DCPH1: variants seen among roughly 807,000 people sequenced by gnomAD.
The protein encoded by DCPH1 is damage-control phosphatase 1.
the DCPH1 span, among the ~76,000 whole-genome samples, chr6:151,463,045 A>C: frequency 6.6e-6 from 1 of 152,236 alleles, no homozygotes; most frequent in African/African-American, 2.4e-5. Flanking sequence ...AACTTTATTC[A>C]GCGGACACCG....
At chr6:151,463,312 GAAAAT>G in the DCPH1 span, among the ~76,000 whole-genome samples, 2 of 152,076 alleles carry the variant, frequency 1.3e-5, no homozygotes, top group African/African-American at 4.8e-5. Context: ...GCCTCAAAAT[GAAAAT>G]TAGTCTTCCT....
the DCPH1 span, among the ~76,000 whole-genome samples, chr6:151,453,115 T>C: frequency 3.3e-5 from 5 of 152,212 alleles, no homozygotes; most frequent in African/African-American, 1.2e-4. Flanking sequence ...CTTCAAAATA[T>C]TGCAAAAGAC....
At chr6:151,454,213 T>C in the DCPH1 span, among the ~76,000 whole-genome samples, 7 of 152,224 alleles carry the variant, frequency 4.6e-5, no homozygotes, top group African/African-American at 1.4e-4. Context: ...GCCTGTTTGA[T>C]TTCTAAGCTA....
the DCPH1 span, among the ~76,000 whole-genome samples, chr6:151,455,773 G>A: frequency 6.6e-6 from 1 of 152,074 alleles, no homozygotes; most frequent in African/African-American, 2.4e-5. Flanking sequence ...GTGTCGGGCT[G>A]GGGGACGGTC....
the DCPH1 span, among the ~76,000 whole-genome samples, chr6:151,456,157 C>T: frequency 7.2e-5 from 11 of 152,346 alleles, 1 homozygote; most frequent in South Asian, 2.1e-3. Flanking sequence ...GACACAGTAA[C>T]AATCTGATCT....
chr6:151,458,225 T>G, the DCPH1 span: 1 of 1,406,394 alleles, frequency 7.1e-7, no homozygotes, highest in Non-Finnish European at 9.6e-7. Context: ...AATGTAGTTT[T>G]GAACATTTTT....
the DCPH1 span, among the ~76,000 whole-genome samples, chr6:151,462,681 G>A: frequency 1.3e-5 from 2 of 152,076 alleles, no homozygotes; most frequent in Admixed American, 6.6e-5. Flanking sequence ...TACATCTGTT[G>A]GATATATCCC....
At chr6:151,468,283 A>G in the DCPH1 span, 2 of 1,165,856 alleles carry the variant, frequency 1.7e-6, no homozygotes, top group Middle Eastern at 5.4e-4. Context: ...CCCGCTACAT[A>G]ATGGAGTTTT....
the DCPH1 span, among the ~76,000 whole-genome samples, chr6:151,457,791 G>A: frequency 6.6e-6 from 1 of 151,968 alleles, no homozygotes; most frequent in African/African-American, 2.4e-5. Flanking sequence ...TCTTGCTAAT[G>A]TAAAACCAAG....
chr6:151,464,594 AG>A, the DCPH1 span: 1 of 1,608,564 alleles, frequency 6.2e-7, no homozygotes, highest in Non-Finnish European at 8.5e-7. Context: ...ATCAGCTGAA[AG>A]ATGAGTTTTT....
chr6:151,464,555 G>A, the DCPH1 span: 260 of 1,611,940 alleles, frequency 1.6e-4, 1 homozygote, highest in Non-Finnish European at 2.1e-4. Context: ...TGCAACAATT[G>A]ATAAGAACTA....
chr6:151,458,583 AATC>A, the DCPH1 span: 6 of 1,577,188 alleles, frequency 3.8e-6, no homozygotes, highest in African/African-American at 2.7e-5. Context: ...GTACGTGTGT[AATC>A]ATCAACTATC....
the DCPH1 span, chr6:151,454,548 A>G: frequency 7.2e-7 from 1 of 1,386,326 alleles, no homozygotes; most frequent in Non-Finnish European, 1.0e-6. Flanking sequence ...TCTTTTCTAG[A>G]TCATTTGCAT....
the DCPH1 span, among the ~76,000 whole-genome samples, chr6:151,466,948 C>T: frequency 1.4e-4 from 22 of 152,050 alleles, no homozygotes; most frequent in Admixed American, 2.6e-4. Context: ...TCATTTATCT[C>T]TTTTTAAAAT....
chr6:151,455,102 G>C, the DCPH1 span, among the ~76,000 whole-genome samples: 128 of 152,286 alleles, frequency 8.4e-4, no homozygotes, highest in African/African-American at 2.9e-3. Flanking sequence ...TTGACACATT[G>C]TACTGATTCA....
chr6:151,464,810 A>G, the DCPH1 span, among the ~76,000 whole-genome samples: 1 of 152,188 alleles, frequency 6.6e-6, no homozygotes. Flanking sequence ...ACTGGCTATG[A>G]TTTTAGTGGC....
the DCPH1 span, among the ~76,000 whole-genome samples, chr6:151,466,100 G>A: frequency 6.6e-6 from 1 of 152,164 alleles, no homozygotes; most frequent in Non-Finnish European, 1.5e-5. Flanking sequence ...TGTATTTTTA[G>A]TAGAGACTGG....
At chr6:151,457,564 C>T in the DCPH1 span, among the ~76,000 whole-genome samples, 1 of 152,042 alleles carries the variant, frequency 6.6e-6, no homozygotes, top group Non-Finnish European at 1.5e-5. Context: ...AAGCTTCAAT[C>T]TTTTTTTCTA....
the DCPH1 span, among the ~76,000 whole-genome samples, chr6:151,455,881 TC>T: frequency 6.6e-6 from 1 of 152,288 alleles, no homozygotes; most frequent in Non-Finnish European, 1.5e-5. Flanking sequence ...CCTGCGGCCT[TC>T]CGGCCTTCCG....
Sources: allele counts gnomAD v4.1 joint callset (sites outside exome capture counted in the v4.1 genomes callset), GRCh38; gene constraint gnomAD v4.1.1; transcripts MANE v1.5; gene names NCBI Gene and HGNC (gene_info 2026-07-23, HGNC 2026-07-21).